The following SDK1 variants were observed in gnomAD, a reference collection of about 807,000 sequenced individuals.
SDK1 encodes sidekick cell adhesion molecule 1, also known as protein sidekick-1.
Under a neutral mutation model 245.5 loss-of-function variants are expected in SDK1, and 157 were observed. That is an observed-to-expected ratio of 0.64 (90% CI 0.56 to 0.73). The LOEUF (loss-of-function observed/expected upper bound fraction) is 0.73, where lower values mean the gene tolerates loss of function less well. Ranked by LOEUF, SDK1 falls within the 30% of genes least tolerant of loss-of-function variation. The pLI is 0.00. For missense variants in SDK1, 3,583 were observed against 3,002.3 expected, an observed-to-expected ratio of 1.19 and a Z score of -4.52; for synonymous variants, 1,647 against 1,278.5, an observed-to-expected ratio of 1.29 and a Z score of -6.15.
chr7:3,777,813 A>C (rs1780610526), intron 4 of SDK1, among the ~76,000 whole-genome samples: 1 of 152,228 alleles, frequency 6.6e-6, no homozygotes, highest in South Asian at 2.1e-4. Context: ...CATTATCATA[A>C]GCTTAGAGAC....
intron 1 of SDK1, among the ~76,000 whole-genome samples, chr7:3,570,215 A>G (rs1307258202): frequency 6.6e-6 from 1 of 152,126 alleles, no homozygotes; most frequent in Non-Finnish European, 1.5e-5. Context: ...GTTTTTCCAC[A>G]GCCCAGTGGG....
At chr7:3,469,111 C>T (rs1044188907) in intron 1 of SDK1, among the ~76,000 whole-genome samples, 6 of 152,016 alleles carry the variant, frequency 3.9e-5, no homozygotes, top group African/African-American at 9.7e-5. Context: ...TTTGAAATTT[C>T]GAATTTCGTG....
At chr7:3,497,964 C>G (rs1161962884) in intron 1 of SDK1, among the ~76,000 whole-genome samples, 1 of 152,188 alleles carries the variant, frequency 6.6e-6, no homozygotes, top group Non-Finnish European at 1.5e-5. Context: ...GATGCAGTGA[C>G]CTTATCACGG....
At chr7:3,426,291 C>G (rs1779674230) in intron 1 of SDK1, among the ~76,000 whole-genome samples, 1 of 152,126 alleles carries the variant, frequency 6.6e-6, no homozygotes, top group African/African-American at 2.4e-5. Flanking sequence ...TGGAAGGGTG[C>G]TAAGTGCGTC....
chr7:3,563,308 A>T (rs1430775956), intron 1 of SDK1, among the ~76,000 whole-genome samples: 2 of 152,246 alleles, frequency 1.3e-5, no homozygotes, highest in Non-Finnish European at 2.9e-5. Context: ...TGGATTATCC[A>T]TCGTAAAGAT....
chr7:3,507,408 C>CT (rs915829009), intron 1 of SDK1, among the ~76,000 whole-genome samples: 3 of 152,092 alleles, frequency 2.0e-5, no homozygotes, highest in Non-Finnish European at 4.4e-5. Context: ...GACCATTGTG[C>CT]TTTTTTGGGG....
At chr7:3,441,201 G>A (rs1780186012) in intron 1 of SDK1, among the ~76,000 whole-genome samples, 2 of 151,892 alleles carry the variant, frequency 1.3e-5, no homozygotes, top group South Asian at 4.2e-4. Flanking sequence ...ACTAGTTATT[G>A]TTAATATTTT....
At chr7:3,452,510 C>T (rs138043681) in intron 1 of SDK1, among the ~76,000 whole-genome samples, 59 of 152,248 alleles carry the variant, frequency 3.9e-4, no homozygotes, top group African/African-American at 1.4e-3. Context: ...TTATGATGAA[C>T]ATGCATTAAT....
intron 25 of SDK1, among the ~76,000 whole-genome samples, chr7:4,118,553 C>G (rs945991091): frequency 2.0e-5 from 3 of 152,112 alleles, no homozygotes; most frequent in African/African-American, 7.2e-5. Context: ...AGTCACCATA[C>G]GACAAAGCAA....
At chr7:3,514,943 T>C (rs1016575126) in intron 1 of SDK1, among the ~76,000 whole-genome samples, 1 of 152,246 alleles carries the variant, frequency 6.6e-6, no homozygotes, top group Non-Finnish European at 1.5e-5. Flanking sequence ...GAAACATTTC[T>C]AATACAAATC....
Position 3,704,280 on chromosome 7 carries a change from A to ATTTT in SDK1, c.713+62176_713+62177insTTTT, listed in dbSNP as rs566626547. On this transcript the variant is annotated intron_variant, in intron 4 of 44. Transcript: ENST00000404826. The stretch of plus-strand genomic sequence containing the variant: ...GGTGTATATATACCATTTTTTCTTT[A>ATTTT]TCTACTCATTGTTTGATGCCACATT... Among the ~76,000 whole-genome samples, 521 of 150,224 alleles carry ATTTT rather than the reference A, an allele frequency of 3.5e-3. 2 individuals are homozygous for ATTTT. Among genetic ancestry groups the ATTTT allele is most frequent in the African/African-American group, 0.012 (495 of 40,966 alleles).
intron 14 of SDK1, among the ~76,000 whole-genome samples, chr7:4,007,785 T>C (rs1156948285): frequency 6.6e-6 from 1 of 152,092 alleles, no homozygotes; most frequent in African/African-American, 2.4e-5. Flanking sequence ...TTTGTATTTT[T>C]AGTAGAGGCG....
chr7:3,997,321 AG>A (rs1784756470), intron 14 of SDK1, among the ~76,000 whole-genome samples: 1 of 152,248 alleles, frequency 6.6e-6, no homozygotes, highest in Admixed American at 6.5e-5. Flanking sequence ...AGCCCAGAGG[AG>A]CCCCGCAGTG....
At position 3,520,814 on chromosome 7, in the gene SDK1, T is replaced by A. The variant is rs559935618; in HGVS notation, c.299-98266T>A. On this transcript the variant is annotated intron_variant, in intron 1 of 44. Transcript: ENST00000404826. ...TTGCATTTTGTCCTGCCTACCTTTT[T>A]ATTAGACCTTGCACAGCCATATTTG... 4.6e-5 allele frequency among the ~76,000 whole-genome samples: 7 copies of A among 152,330 alleles called. No homozygotes were observed. In the South Asian group the frequency reaches 1.5e-3, roughly 32 times the overall value.
At chr7:3,527,842 G>A (rs1783197687) in intron 1 of SDK1, among the ~76,000 whole-genome samples, 1 of 151,348 alleles carries the variant, frequency 6.6e-6, no homozygotes, top group East Asian at 2.0e-4. Context: ...CAGCTAGGGG[G>A]TGAGTGGTGG....
At chr7:3,947,032 G>C (rs1780605057) in intron 5 of SDK1, among the ~76,000 whole-genome samples, 1 of 152,144 alleles carries the variant, frequency 6.6e-6, no homozygotes, top group Non-Finnish European at 1.5e-5. Context: ...TTGACCTTCT[G>C]CTGTGATGGA....
intron 38 of SDK1, among the ~76,000 whole-genome samples, chr7:4,215,391 C>T (rs1282043021): frequency 6.6e-6 from 1 of 152,268 alleles, no homozygotes; most frequent in Non-Finnish European, 1.5e-5. Context: ...GGATTCGCTT[C>T]AGCCAGCGGG....
chr7:4,108,170 C>T (rs1001689545), intron 22 of SDK1, among the ~76,000 whole-genome samples: 1 of 152,134 alleles, frequency 6.6e-6, no homozygotes, highest in Non-Finnish European at 1.5e-5. Context: ...CAGCATTGTG[C>T]TCCTGGGTCC....
intron 1 of SDK1, among the ~76,000 whole-genome samples, chr7:3,473,399 A>G (rs1444895938): frequency 6.6e-6 from 1 of 152,240 alleles, no homozygotes; most frequent in Non-Finnish European, 1.5e-5. Flanking sequence ...AAAATACTTT[A>G]TAGATTTACT....
Sources: gnomAD v4.1 joint callset for allele counts (sites outside exome capture counted in the v4.1 genomes callset) on GRCh38, gnomAD v4.1.1 for gene constraint, MANE v1.5 for transcripts, NCBI Gene and HGNC (gene_info 2026-07-23, HGNC 2026-07-21) for gene names.